The following PRDM16 variants were observed in gnomAD, a reference collection of about 807,000 sequenced individuals.
The protein encoded by PRDM16 is histone-lysine N-methyltransferase PRDM16.
Under a neutral mutation model 110.6 loss-of-function variants are expected in PRDM16, and 23 were observed. That is an observed-to-expected ratio of 0.21 (90% CI 0.15 to 0.29). The LOEUF is 0.29. PRDM16 is among the 10% of genes least tolerant of loss of function. PRDM16 has a pLI of 1.00. For synonymous variants in PRDM16, 799 were observed against 781.8 expected, an observed-to-expected ratio of 1.02 and a Z score of -0.37; for missense variants, 1,615 against 1,794.3, an observed-to-expected ratio of 0.90 and a Z score of 1.81.
chr1:3,260,811 C>T (rs1165930099), intron 3 of PRDM16, among the ~76,000 whole-genome samples: 1 of 23,776 alleles, frequency 4.2e-5, no homozygotes, highest in Admixed American at 4.5e-4. Context: ...GATGATGATA[C>T]CATTGATGAT....
rs1030959433 is a variant in PRDM16, at chr1:3,136,293, G to C, written c.38-49832G>C. ...GCCCCGCGCGATGCTCCGGGGTCTCGGCGAGGCACGCCAGGCACTGAGTCC... is the reference window on the plus strand; with the variant it reads ...GCCCCGCGCGATGCTCCGGGGTCTCCGCGAGGCACGCCAGGCACTGAGTCC... On this transcript the variant is annotated intron_variant, in intron 1 of 16. Coordinates refer to ENST00000270722, the MANE Select transcript of PRDM16 (RefSeq NM_022114.4). Among the ~76,000 whole-genome samples, 7 of 152,316 alleles carry C rather than the reference G, an allele frequency of 4.6e-5. No individual in the cohort carries two copies. The East Asian group carries it at 1.4e-3, about 29-fold the overall frequency.
At chr1:3,084,331 G>C (rs1046396835) in intron 1 of PRDM16, among the ~76,000 whole-genome samples, 1 of 152,118 alleles carries the variant, frequency 6.6e-6, no homozygotes, top group African/African-American at 2.4e-5. Context: ...AGGGACATTC[G>C]ATCTGAAGCA....
chr1:3,149,002 T>C (rs564947783), intron 1 of PRDM16, among the ~76,000 whole-genome samples: 1 of 152,260 alleles, frequency 6.6e-6, no homozygotes, highest in African/African-American at 2.4e-5. Flanking sequence ...CCAGGGGCCC[T>C]CCGGCTTTGG....
rs1387961746 is a variant in PRDM16, at chr1:3,255,952, G to A, written c.438+11815G>A. On this transcript the variant is annotated intron_variant, in intron 3 of 16. Coordinates refer to ENST00000270722, the MANE Select transcript of PRDM16 (RefSeq NM_022114.4). The surrounding 1 kb of genome is among the most constrained non-coding windows in gnomAD (Gnocchi z 4.7). ...ATCCCGTGGCCACACCAACAGTACAGGGTGGAACGAGCTCCGCCTCTCAGG... is the reference window on the plus strand; with the variant it reads ...ATCCCGTGGCCACACCAACAGTACAAGGTGGAACGAGCTCCGCCTCTCAGG... 7.4e-6 allele frequency among the ~76,000 whole-genome samples: 1 copy of A among 135,538 alleles called. No homozygotes were observed. Among genetic ancestry groups the A allele is most frequent in the Non-Finnish European group, 1.7e-5 (1 of 59,542 alleles). The allele number at this position is 135,538 out of a possible 152,430, so 88.9% of individuals were successfully genotyped here.
rs991343987 is a variant in PRDM16, at chr1:3,438,313, G to A, written c.*4502G>A. ...TGATTAGGATCTACGTCTGAGACTAGGAGTCCTGAACTGCTGACGCGAAAG... is the reference window on the plus strand; with the variant it reads ...TGATTAGGATCTACGTCTGAGACTAAGAGTCCTGAACTGCTGACGCGAAAG... On this transcript the variant is annotated 3_prime_UTR_variant, in exon 17 of 17. Coordinates refer to ENST00000270722, the MANE Select transcript of PRDM16 (RefSeq NM_022114.4). The A allele has an allele frequency of 9.9e-6, 2 of 201,400 alleles. No individual in the cohort carries two copies. Among genetic ancestry groups the A allele is most frequent in the Non-Finnish European group, 2.0e-5 (2 of 97,816 alleles). 12.5% of individuals were successfully genotyped at this position (201,400 alleles called of 1,614,324 possible).
At chr1:3,219,437 T>G (rs1428802389) in intron 2 of PRDM16, among the ~76,000 whole-genome samples, 1 of 152,156 alleles carries the variant, frequency 6.6e-6, no homozygotes, top group Non-Finnish European at 1.5e-5. Flanking sequence ...CCGGAGGACC[T>G]GCCTTCTCAT....
rs61241117 is a variant in PRDM16 at position 3,225,276 on chromosome 1, G to A, written c.388-18811G>A. On this transcript the variant is annotated intron_variant, in intron 2 of 16. Transcript: ENST00000270722. ...GGATCTCATTTCCTTTAAAATACCCGCGGGCTCAAACACTAGCGGGAAAAG... is the reference window on the plus strand; with the variant it reads ...GGATCTCATTTCCTTTAAAATACCCACGGGCTCAAACACTAGCGGGAAAAG... Among the ~76,000 whole-genome samples the A allele has an allele frequency of 7.9e-5, 12 of 152,208 alleles. No homozygotes were observed. The South Asian group carries it at 1.9e-3, about 24-fold the overall frequency.
chr1:3,133,540 A>G (rs1360538522), intron 1 of PRDM16: 1 of 152,330 alleles, frequency 6.6e-6, no homozygotes, highest in East Asian at 1.9e-4. Context: ...CCCCTGACAG[A>G]AATGATGCCC....
intron 3 of PRDM16, among the ~76,000 whole-genome samples, chr1:3,266,183 TG>T (rs1640284862): frequency 6.6e-6 from 1 of 152,220 alleles, no homozygotes; most frequent in Non-Finnish European, 1.5e-5. Flanking sequence ...GCTCTTCAGC[TG>T]GTAATGAGAA....
At chr1:3,415,359 A>T (rs902450665) in intron 10 of PRDM16, among the ~76,000 whole-genome samples, 4 of 152,224 alleles carry the variant, frequency 2.6e-5, no homozygotes, top group African/African-American at 7.2e-5. Flanking sequence ...GAGGGTCCTG[A>T]GGGTCGCACA....
chr1:3,216,648 G>A (rs1639037098), intron 2 of PRDM16, among the ~76,000 whole-genome samples: 1 of 152,268 alleles, frequency 6.6e-6, no homozygotes, highest in South Asian at 2.1e-4. Context: ...GCATCCCAGA[G>A]TCTCCCCAAA....
At chr1:3,239,312 C>T (rs889143574) in intron 2 of PRDM16, among the ~76,000 whole-genome samples, 4 of 152,186 alleles carry the variant, frequency 2.6e-5, no homozygotes, top group Middle Eastern at 3.4e-3. Context: ...GGTGTAAAAC[C>T]CTGCTGAACA....
At chr1:3,129,625 G>A (rs1280232605) in intron 1 of PRDM16, among the ~76,000 whole-genome samples, 6 of 152,150 alleles carry the variant, frequency 3.9e-5, no homozygotes, top group Non-Finnish European at 5.9e-5. Context: ...GGCCCTTGAA[G>A]CAGGTTCTCC....
At chr1:3,429,878 C>T (rs898015642) in intron 14 of PRDM16, among the ~76,000 whole-genome samples, 3 of 152,208 alleles carry the variant, frequency 2.0e-5, no homozygotes, top group Non-Finnish European at 4.4e-5. Flanking sequence ...GGTCGGTCGC[C>T]GTGAGACGCT....
chr1:3,108,648 C>T (rs1231301328), intron 1 of PRDM16, among the ~76,000 whole-genome samples: 1 of 152,156 alleles, frequency 6.6e-6, no homozygotes, highest in Non-Finnish European at 1.5e-5. Context: ...GAAACCAAGG[C>T]ACAGAGAGAT....
chr1:3,261,040 T>G, intron 3 of PRDM16, among the ~76,000 whole-genome samples: 1 of 149,034 alleles, frequency 6.7e-6, no homozygotes, highest in African/African-American at 2.5e-5. Flanking sequence ...TGTTCCCCAC[T>G]CAAGTTCCTG....
chr1:3,330,404 T>A (rs1291283071), intron 3 of PRDM16, among the ~76,000 whole-genome samples: 1 of 152,226 alleles, frequency 6.6e-6, no homozygotes, highest in Non-Finnish European at 1.5e-5. Context: ...GGTGGCCTTG[T>A]AAGAATGCAG....
intron 3 of PRDM16, among the ~76,000 whole-genome samples, chr1:3,247,983 C>T (rs58814261): frequency 0.029 from 4,370 of 152,264 alleles, 185 homozygotes; most frequent in African/African-American, 0.095. Flanking sequence ...TCCATCACTC[C>T]GGGCGCGCAG....
rs570931870 is a variant in PRDM16 at position 3,214,774 on chromosome 1, G to A, written c.387+28300G>A. Among the ~76,000 whole-genome samples the A allele has an allele frequency of 1.9e-3, 287 of 152,338 alleles. 2 individuals are homozygous for A. Among genetic ancestry groups the A allele is most frequent in the Non-Finnish European group, 2.9e-3 (200 of 68,040 alleles). On this transcript the variant is annotated intron_variant, in intron 2 of 16. Transcript: ENST00000270722. Reference sequence around the variant, plus strand: ...GCCCCTGTTGGGTGCCTGGCCCTGTGCTAACATGTTCCACATCAGACGAGA... The same window carrying A: ...GCCCCTGTTGGGTGCCTGGCCCTGTACTAACATGTTCCACATCAGACGAGA...
Sources: gnomAD v4.1 joint callset for allele counts (sites outside exome capture counted in the v4.1 genomes callset) on GRCh38, gnomAD v4.1.1 for gene constraint, Gnocchi (gnomAD v3.1) non-coding constraint, MANE v1.5 for transcripts, NCBI Gene and HGNC (gene_info 2026-07-23, HGNC 2026-07-21) for gene names.